The following ZNF761 variants were observed in gnomAD, a reference collection of about 807,000 sequenced individuals.
ZNF761 encodes zinc finger protein 761.
A neutral mutation model predicts 59.9 loss-of-function variants in ZNF761; 43 were observed. That is an observed-to-expected ratio of 0.72 (90% CI 0.56 to 0.92). The LOEUF is 0.92. ZNF761 is among the 40% of genes least tolerant of loss of function. The pLI is 0.00. For synonymous variants in ZNF761, 294 were observed against 304.8 expected (o/e 0.96, Z 0.37); for missense variants, 850 against 906.1 (o/e 0.94, Z 0.79).
Position 53,432,044 on chromosome 19 carries a change from T to A in ZNF761, c.-185+16T>A, listed in dbSNP as rs1446094781. Reference sequence around the variant, plus strand: ...ACCGCGGCGCGTGAGTTTCGCCCTGTCTTGTATTAAGTCTGCTCTTCCAGG... The same window carrying A: ...ACCGCGGCGCGTGAGTTTCGCCCTGACTTGTATTAAGTCTGCTCTTCCAGG... On this transcript the variant is annotated intron_variant, in intron 1 of 4. Transcript: ENST00000684525. 1.3e-5 allele frequency: 2 copies of A among 152,822 alleles called. No homozygotes were observed. Among genetic ancestry groups the A allele is most frequent in the Non-Finnish European group, 2.9e-5 (2 of 68,376 alleles). The allele number at this position is 152,822 out of a possible 1,614,324, so 9.5% of individuals were successfully genotyped here.
chr19:53,456,950 G>A lies in ZNF761; in HGVS notation c.*202G>A, dbSNP rs72483992. 1.4e-5 allele frequency: 10 copies of A among 733,586 alleles called. No homozygotes were observed. Among genetic ancestry groups the A allele is most frequent in the South Asian group, 3.4e-5 (2 of 58,386 alleles). The allele number at this position is 733,586 out of a possible 1,614,324, so 45.4% of individuals were successfully genotyped here. A position where few individuals can be genotyped will look rare whatever the true frequency, so the allele number is the denominator to read the frequency against. ...AAAGTTTACAGTCGCACATCAAACC[G>A]TGAAAGACAGGAGAATTCATACTGG... On this transcript the variant is annotated 3_prime_UTR_variant, in exon 5 of 5. Coordinates refer to ENST00000684525, the MANE Select transcript of ZNF761 (RefSeq NM_001289951.2).
intron 2 of ZNF761, 58 bp from the exon 3 acceptor site, chr19:53,447,138 G>C: frequency 8.3e-7 from 1 of 1,204,254 alleles, no homozygotes. Context: ...GTGTGGTTGT[G>C]TTCCACGGAG....
At position 53,456,984 on chromosome 19, in the gene ZNF761, C is replaced by A; in HGVS notation, c.*236C>A. The A allele has an allele frequency of 4.2e-6, 3 of 712,246 alleles. No individual in the cohort carries two copies. Among genetic ancestry groups the A allele is most frequent in the East Asian group, 2.7e-5 (1 of 36,660 alleles). The allele number at this position is 712,246 out of a possible 1,614,324, so 44.1% of individuals were successfully genotyped here. ...AGGAGAATTCATACTGGAGAGAAAC[C>A]ATAAAAATGTAAGAGTTTGTGACAA... On this transcript the variant is annotated 3_prime_UTR_variant, in exon 5 of 5. Coordinates refer to ENST00000684525, the MANE Select transcript of ZNF761 (RefSeq NM_001289951.2).
chr19:53,435,871 G>A (rs2086036820), intron 1 of ZNF761, among the ~76,000 whole-genome samples: 1 of 152,144 alleles, frequency 6.6e-6, no homozygotes, highest in Admixed American at 6.5e-5. Flanking sequence ...AGTATTACAA[G>A]GAAAACTACT....
At chr19:53,433,492 GTTC>G (rs1176719750) in intron 1 of ZNF761, among the ~76,000 whole-genome samples, 11 of 47,272 alleles carry the variant, frequency 2.3e-4, no homozygotes, top group East Asian at 6.7e-4. Flanking sequence ...AGGAAAACTT[GTTC>G]TTCTTTTCTT....
rs968464979 is a variant in ZNF761, at chr19:53,457,582, G to T, written c.*834G>T. ...TGGAGGTAGTTGGTCCATATGCAAT[G>T]AGTAGAGCAAACCATCAAGCATTAA... is the stretch of plus-strand genomic sequence containing the variant. On this transcript the variant is annotated 3_prime_UTR_variant, in exon 5 of 5. Transcript: ENST00000684525. 3.4e-6 allele frequency: 1 copy of T among 292,664 alleles called. No individual in the cohort carries two copies. The highest frequency in any genetic ancestry group is 6.8e-6 in the Non-Finnish European group (1 of 146,622). 18.1% of individuals were successfully genotyped at this position (292,664 alleles called of 1,614,324 possible).
intron 1 of ZNF761, chr19:53,441,813 C>G (rs1239359283): frequency 6.1e-6 from 8 of 1,310,402 alleles, no homozygotes; most frequent in Non-Finnish European, 8.6e-6. Flanking sequence ...TCTGCAATGC[C>G]GAGTGGAGGA....
At chr19:53,446,201 T>C (rs1364662990) in intron 1 of ZNF761, 26 bp from the exon 2 acceptor site, 1 of 151,920 alleles carries the variant, frequency 6.6e-6, no homozygotes, top group African/African-American at 2.4e-5. Context: ...CACATCAGAA[T>C]TTTTTTTTCT....
chr19:53,443,870 C>A (rs373399006), intron 1 of ZNF761: 1 of 152,580 alleles, frequency 6.6e-6, no homozygotes, highest in Admixed American at 6.5e-5. Flanking sequence ...AAGAAAAATT[C>A]TTCTGCCTTG....
chr19:53,454,868 G>A lies in ZNF761; in HGVS notation c.361G>A (p.Gly121Ser), dbSNP rs2086250789. 5.0e-6 allele frequency: 8 copies of A among 1,614,164 alleles called. No individual in the cohort carries two copies. The highest frequency in any genetic ancestry group is 5.9e-6 in the Non-Finnish European group (7 of 1,180,026). Residue 121 changes from glycine (G) to serine (S), a missense_variant, in exon 5 of 5, where the codon GGT (glycine) becomes AGT (serine). Transcript: ENST00000684525. Reference sequence around the variant, plus strand: ...CATGACAAAAATCAAAAAGTTGACAGGTATTACAGAACGATATGATCAAAG... The same window carrying A: ...CATGACAAAAATCAAAAAGTTGACAAGTATTACAGAACGATATGATCAAAG... ...APMTKIKKLT[G>S]ITERYDQSHA...
chr19:53,437,236 T>G (rs1234000507), intron 1 of ZNF761, among the ~76,000 whole-genome samples: 4 of 151,682 alleles, frequency 2.6e-5, no homozygotes, highest in African/African-American at 9.7e-5. Context: ...AAGAAACACT[T>G]GAACCTGGGA....
At chr19:53,454,166 G>A (rs2086243721) in intron 4 of ZNF761, among the ~76,000 whole-genome samples, 1 of 152,102 alleles carries the variant, frequency 6.6e-6, no homozygotes, top group Non-Finnish European at 1.5e-5. Context: ...TGTCTTCTCA[G>A]TGCTATGACT....
intron 1 of ZNF761, among the ~76,000 whole-genome samples, chr19:53,440,385 G>A (rs1316926127): frequency 6.6e-6 from 1 of 152,078 alleles, no homozygotes; most frequent in Non-Finnish European, 1.5e-5. Flanking sequence ...AGTTCACTGG[G>A]TATGATTACT....
chr19:53,447,672 G>A (rs2086175693), intron 3 of ZNF761, among the ~76,000 whole-genome samples: 1 of 152,184 alleles, frequency 6.6e-6, no homozygotes, highest in South Asian at 2.1e-4. Flanking sequence ...CACAAAGTAT[G>A]TGGTAAATTC....
intron 4 of ZNF761, among the ~76,000 whole-genome samples, chr19:53,453,446 C>T (rs2086238076): frequency 6.6e-6 from 1 of 152,088 alleles, no homozygotes; most frequent in African/African-American, 2.4e-5. Context: ...TAGAATTTTG[C>T]AGGTTGTATA....
chr19:53,446,042 C>T (rs539793256), intron 1 of ZNF761, among the ~76,000 whole-genome samples, 185 bp from the exon 2 acceptor site: 1 of 152,190 alleles, frequency 6.6e-6, no homozygotes, highest in Non-Finnish European at 1.5e-5. Context: ...CTGCTCTTAC[C>T]CTATGTCCCT....
chr19:53,435,208 G>T (rs981479379), intron 1 of ZNF761, among the ~76,000 whole-genome samples: 2 of 150,624 alleles, frequency 1.3e-5, no homozygotes, highest in Non-Finnish European at 2.9e-5. Flanking sequence ...GAAATCTTGG[G>T]GTTATAACAT....
chr19:53,439,871 G>A (rs1010628596), intron 1 of ZNF761, among the ~76,000 whole-genome samples: 67 of 152,110 alleles, frequency 4.4e-4, no homozygotes, highest in South Asian at 6.2e-4. Flanking sequence ...TGATGAACCC[G>A]AACAGGAGTT....
chr19:53,440,786 C>T (rs2086091147), intron 1 of ZNF761, among the ~76,000 whole-genome samples: 1 of 152,198 alleles, frequency 6.6e-6, no homozygotes, highest in African/African-American at 2.4e-5. Flanking sequence ...AACCATCCTC[C>T]TACCTCAGCT....
Sources: gnomAD v4.1 joint callset for allele counts (sites outside exome capture counted in the v4.1 genomes callset) on GRCh38, gnomAD v4.1.1 for gene constraint, MANE v1.5 for transcripts, NCBI Gene and HGNC (gene_info 2026-07-23, HGNC 2026-07-21) for gene names.